PAPOLA: variants seen among roughly 807,000 people sequenced by gnomAD.
The protein encoded by PAPOLA is poly(A) polymerase alpha.
PAPOLA carries 15 observed loss-of-function variants against 100.6 expected under a neutral mutation model. That is an observed-to-expected ratio of 0.15 (90% CI 0.10 to 0.23). The LOEUF is 0.23. Ranked by LOEUF, PAPOLA falls within the 10% of genes least tolerant of loss-of-function variation. The pLI, the probability that PAPOLA is intolerant of heterozygous loss-of-function variation, is 1.00. For synonymous variants in PAPOLA, 293 were observed against 300.0 expected (o/e 0.98, Z 0.24); for missense variants, 533 against 884.2 (o/e 0.60, Z 5.04).
chr14:96,503,945 C>CT (rs1242864209), intron 1 of PAPOLA, among the ~76,000 whole-genome samples: 1 of 152,172 alleles, frequency 6.6e-6, no homozygotes, highest in Non-Finnish European at 1.5e-5. Flanking sequence ...ATTAAGAAGT[C>CT]TATCACATTA....
At chr14:96,509,066 C>T (rs562408659) in intron 1 of PAPOLA, among the ~76,000 whole-genome samples, 1 of 152,312 alleles carries the variant, frequency 6.6e-6, no homozygotes, top group African/African-American at 2.4e-5. Context: ...CAGGAACTCA[C>T]TGTTGCCCAG....
chr14:96,542,946 AG>A (rs1900112368), intron 14 of PAPOLA, 53 bp downstream of exon 14: 7 of 1,594,126 alleles, frequency 4.4e-6, no homozygotes, highest in Non-Finnish European at 3.4e-6. Context: ...TTTTATTCAT[AG>A]AAGCTTTTAC....
intron 4 of PAPOLA, among the ~76,000 whole-genome samples, chr14:96,525,803 C>T (rs1396015644): frequency 1.3e-5 from 2 of 152,064 alleles, no homozygotes; most frequent in Non-Finnish European, 2.9e-5. Context: ...TAGAGGTAGC[C>T]ACATTTTATC....
intron 17 of PAPOLA, among the ~76,000 whole-genome samples, chr14:96,554,618 C>G (rs11621778): frequency 0.26 from 39,194 of 152,000 alleles, 5,540 homozygotes; most frequent in African/African-American, 0.39. Context: ...GAAAGAGAGA[C>G]AGACACACAC....
At chr14:96,532,814 CTA>C (rs1232863390) in intron 9 of PAPOLA, 165 bp downstream of exon 9, 13 of 1,334,148 alleles carry the variant, frequency 9.7e-6, no homozygotes, top group East Asian at 8.6e-5. Context: ...CAAACTGAAA[CTA>C]TTTTTTTTCC....
At chr14:96,517,672 C>T (rs978634923) in intron 1 of PAPOLA, among the ~76,000 whole-genome samples, 2 of 147,266 alleles carry the variant, frequency 1.4e-5, no homozygotes, top group African/African-American at 5.0e-5. Context: ...GAAAACAGAA[C>T]ATTTTTATTT....
chr14:96,510,095 C>T (rs1224173744), intron 1 of PAPOLA, among the ~76,000 whole-genome samples: 3 of 151,064 alleles, frequency 2.0e-5, no homozygotes, highest in Non-Finnish European at 4.4e-5. Context: ...TTCTTTCTTC[C>T]TCTTTTGTTA....
intron 10 of PAPOLA, chr14:96,534,765 A>C (rs1263666396): frequency 7.5e-7 from 1 of 1,341,142 alleles, no homozygotes; most frequent in Non-Finnish European, 9.6e-7. Flanking sequence ...TGTAAACCAC[A>C]TTTAATTGTA....
chr14:96,517,411 G>A lies in PAPOLA; in HGVS notation c.9-2644G>A, dbSNP rs1365360221. ...TGCTCTTATGGCAGAAAACCAGAGG[G>A]GTACACAGGGAAACTTTTGGAGGTA... On this transcript the variant is annotated intron_variant, in intron 1 of 21. Transcript: ENST00000216277. Among the ~76,000 whole-genome samples, 3 of 152,058 alleles carry A rather than the reference G, an allele frequency of 2.0e-5. No individual in the cohort carries two copies. The East Asian group carries it at 5.8e-4, about 29-fold the overall frequency.
At chr14:96,560,590 A>C in intron 19 of PAPOLA, 59 bp from the exon 20 acceptor site, 1 of 1,123,534 alleles carries the variant, frequency 8.9e-7, no homozygotes, top group Non-Finnish European at 1.3e-6. Flanking sequence ...TAAAGCATTG[A>C]TTGGCAAATA....
chr14:96,553,710 C>T (rs1901049631), intron 17 of PAPOLA, among the ~76,000 whole-genome samples: 1 of 152,066 alleles, frequency 6.6e-6, no homozygotes, highest in Non-Finnish European at 1.5e-5. Flanking sequence ...CGGGGTTTCA[C>T]CATGTTGGCC....
chr14:96,506,667 C>T (rs1896736368), intron 1 of PAPOLA, among the ~76,000 whole-genome samples: 1 of 152,098 alleles, frequency 6.6e-6, no homozygotes, highest in Admixed American at 6.5e-5. Flanking sequence ...AATATTAATG[C>T]ATATAGTTTT....
chr14:96,525,011 G>A (rs1240037535), intron 3 of PAPOLA, among the ~76,000 whole-genome samples: 1 of 152,126 alleles, frequency 6.6e-6, no homozygotes, highest in East Asian at 1.9e-4. Flanking sequence ...ATTCTAACGT[G>A]CTCCTGTGGG....
At chr14:96,514,545 A>G (rs531318815) in intron 1 of PAPOLA, among the ~76,000 whole-genome samples, 1 of 151,364 alleles carries the variant, frequency 6.6e-6, no homozygotes, top group East Asian at 1.9e-4. Flanking sequence ...TGTATATATT[A>G]GTTAAGTCGA....
chr14:96,548,004 TTAA>T lies in PAPOLA; in HGVS notation c.1521+90_1521+92del. 3 of 1,162,968 alleles carry T rather than the reference TTAA, an allele frequency of 2.6e-6. No homozygotes were observed. In the South Asian group the frequency reaches 4.6e-5, roughly 18 times the overall value. The allele number at this position is 1,162,968 out of a possible 1,614,324, so 72.0% of individuals were successfully genotyped here. On this transcript the variant is annotated intron_variant, in intron 16 of 21. Transcript: ENST00000216277. Reference sequence around the variant, plus strand: ...TCATTATTTCAGAATTTAGGCTCAGTTAATAAGTCATTTTAAATAGATGACAGC... The same window carrying T: ...TCATTATTTCAGAATTTAGGCTCAGTTAAGTCATTTTAAATAGATGACAGC...
At chr14:96,535,628 G>T (rs1354307098) in intron 10 of PAPOLA, 16 of 1,064,694 alleles carry the variant, frequency 1.5e-5, no homozygotes, top group Non-Finnish European at 1.7e-5. Context: ...TTTTGTTGTT[G>T]TTCAGCAGGC....
At chr14:96,532,872 G>T in intron 9 of PAPOLA, 1 of 1,248,452 alleles carries the variant, frequency 8.0e-7, no homozygotes, top group Admixed American at 4.0e-5. Context: ...GTACTTCCTT[G>T]CATAAACTTA....
intron 21 of PAPOLA, among the ~76,000 whole-genome samples, chr14:96,563,150 C>G (rs1395446054): frequency 6.6e-6 from 1 of 152,138 alleles, no homozygotes; most frequent in Non-Finnish European, 1.5e-5. Context: ...CATTTAAATT[C>G]TCACTAGTCA....
At chr14:96,559,575 C>CTATATATATA (rs1196304057) in intron 19 of PAPOLA, among the ~76,000 whole-genome samples, 5 of 113,626 alleles carry the variant, frequency 4.4e-5, no homozygotes, top group South Asian at 3.2e-4. Context: ...CTCTCTCTCT[C>CTATATATATA]TCTCTCTATA....
Sources: gnomAD v4.1 joint callset for allele counts (sites outside exome capture counted in the v4.1 genomes callset) on GRCh38, gnomAD v4.1.1 for gene constraint, MANE v1.5 for transcripts, NCBI Gene and HGNC (gene_info 2026-07-23, HGNC 2026-07-21) for gene names.